The following CECR2 variants were observed in gnomAD, a reference collection of about 807,000 sequenced individuals.
CECR2 encodes the protein chromatin remodeling regulator CECR2.
In CECR2, 30 loss-of-function variants were observed where a neutral mutation model predicts 154.5. That is an observed-to-expected ratio of 0.19 (90% CI 0.15 to 0.26). The LOEUF (loss-of-function observed/expected upper bound fraction) is 0.26, where lower values mean the gene tolerates loss of function less well. Among genes scored for constraint, CECR2 ranks in the 10% least tolerant of loss-of-function variants. The pLI, the probability that CECR2 is intolerant of heterozygous loss-of-function variation, is 1.00. For synonymous variants in CECR2, 725 were observed against 683.7 expected (o/e 1.06, Z -0.94); for missense variants, 1,743 against 1,829.3 (o/e 0.95, Z 0.86).
chr22:17,366,620 G>A (rs1014854648), upstream of CECR2, among the ~76,000 whole-genome samples: 39 of 152,236 alleles, frequency 2.6e-4, 1 homozygote, highest in African/African-American at 8.9e-4. Flanking sequence ...TATTGGTAGG[G>A]GGTCATTAAT....
At chr22:17,507,351 T>C (rs925890356) in intron 7 of CECR2, among the ~76,000 whole-genome samples, 11 of 152,220 alleles carry the variant, frequency 7.2e-5, no homozygotes, top group Non-Finnish European at 1.5e-4. Flanking sequence ...CATTCTGTTT[T>C]TGTGATCAGC....
intron 1 of CECR2, among the ~76,000 whole-genome samples, chr22:17,389,871 G>A (rs968283642): frequency 2.6e-5 from 4 of 151,916 alleles, no homozygotes; most frequent in African/African-American, 4.8e-5. Context: ...CAGATGATCC[G>A]CCCACCTCGG....
rs370696488 is a variant in CECR2 at position 17,548,295 on chromosome 22, C to G, written c.3008C>G (p.Pro1003Arg). The stretch of plus-strand genomic sequence containing the variant: ...CCACAAGAAAGGGAAACAGTGGGCC[C>G]GGAGCTCAAAAGCAGCTCCTCCGAA... ...SSPQERETVGPELKSSSSESA... is the reference protein window; with the variant it reads ...SSPQERETVGRELKSSSSESA... Residue 1003 changes from proline to arginine, a missense_variant, in exon 17 of 19, where the codon CCG (proline) becomes CGG (arginine). By Grantham distance (103) the Pro-to-Arg change is moderately radical. Transcript: ENST00000262608. The G allele has an allele frequency of 6.2e-7, 1 of 1,608,806 alleles. No individual in the cohort carries two copies. The highest frequency in any genetic ancestry group is 1.3e-5 in the African/African-American group (1 of 74,696).
At chr22:17,455,730 C>T (rs534929508) in intron 1 of CECR2, among the ~76,000 whole-genome samples, 12 of 152,318 alleles carry the variant, frequency 7.9e-5, no homozygotes, top group Admixed American at 4.6e-4. Flanking sequence ...TCTCCTGCCT[C>T]GCTTTCCCCT....
intron 7 of CECR2, among the ~76,000 whole-genome samples, chr22:17,508,815 G>C (rs560434454): frequency 6.6e-6 from 1 of 152,158 alleles, no homozygotes; most frequent in Non-Finnish European, 1.5e-5. Context: ...ACATGACTGC[G>C]TGTCAGATTG....
At chr22:17,386,666 T>C (rs973444270) in intron 1 of CECR2, among the ~76,000 whole-genome samples, 1 of 152,098 alleles carries the variant, frequency 6.6e-6, no homozygotes, top group African/African-American at 2.4e-5. Flanking sequence ...TTTTTTTTTT[T>C]TTTTGAGACG....
chr22:17,428,826 G>GTGTGTGTGTGTGTGTATATATATA (rs369291932), intron 1 of CECR2, among the ~76,000 whole-genome samples: 1 of 150,594 alleles, frequency 6.6e-6, no homozygotes, highest in African/African-American at 2.5e-5. Flanking sequence ...GTGTGTGTGT[G>GTGTGTGTGTGTGTGTATATATATA]TATATAAAGG....
chr22:17,456,484 T>C (rs563643344), intron 1 of CECR2, among the ~76,000 whole-genome samples: 3 of 152,338 alleles, frequency 2.0e-5, no homozygotes, highest in Non-Finnish European at 4.4e-5. Context: ...TGAAACAATT[T>C]ACATTTTTAT....
intron 1 of CECR2, among the ~76,000 whole-genome samples, chr22:17,449,517 T>G (rs1317521987): frequency 8.7e-6 from 1 of 115,082 alleles, no homozygotes; most frequent in Non-Finnish European, 1.6e-5. Flanking sequence ...TGAGACAGAG[T>G]CTTGCTCTGT....
At chr22:17,433,448 C>T (rs1408616203) in intron 1 of CECR2, among the ~76,000 whole-genome samples, 1 of 152,026 alleles carries the variant, frequency 6.6e-6, no homozygotes, top group Non-Finnish European at 1.5e-5. Flanking sequence ...TTTTTGTCTT[C>T]CTTATTGTTG....
chr22:17,523,159 G>A (rs2056188237), intron 8 of CECR2, among the ~76,000 whole-genome samples: 1 of 152,082 alleles, frequency 6.6e-6, no homozygotes, highest in Admixed American at 6.6e-5. Context: ...TCAGCACTTT[G>A]GGAGGCTGAG....
Position 17,548,446 on chromosome 22 carries a change from C to G in CECR2, c.3159C>G (p.Ser1053=). The change falls in exon 17 of 19, where the codon TCC becomes TCG. Residue 1053 remains serine, a synonymous_variant. Transcript: ENST00000262608. ...CGGTGGCAGACAGGGGCGCTCTATC[C>G]GAGAACGGAGTCATTGGGGAAGCAT... ...LSTVADRGAL[S]ENGVIGEASP... is the part of the protein sequence containing the mutation. 6.2e-7 allele frequency: 1 copy of G among 1,613,994 alleles called. No individual in the cohort carries two copies. The highest frequency in any genetic ancestry group is 8.5e-7 in the Non-Finnish European group (1 of 1,179,896).
chr22:17,476,511 C>T (rs1212842418), intron 1 of CECR2, among the ~76,000 whole-genome samples: 1 of 152,078 alleles, frequency 6.6e-6, no homozygotes, highest in Non-Finnish European at 1.5e-5. Context: ...AGCCACCATG[C>T]CTGGCCAGAG....
At chr22:17,478,378 C>A (rs1018407381) in intron 2 of CECR2, among the ~76,000 whole-genome samples, 1 of 119,198 alleles carries the variant, frequency 8.4e-6, no homozygotes. Context: ...TTTTTTGAGA[C>A]GGAGTCTCAC....
intron 1 of CECR2, among the ~76,000 whole-genome samples, chr22:17,378,134 C>G: frequency 6.6e-6 from 1 of 151,438 alleles, no homozygotes; most frequent in Non-Finnish European, 1.5e-5. Flanking sequence ...CAGGTGCCCA[C>G]CACCACGCCC....
intron 1 of CECR2, among the ~76,000 whole-genome samples, chr22:17,397,239 C>T (rs1319092433): frequency 6.6e-6 from 1 of 151,970 alleles, no homozygotes; most frequent in Non-Finnish European, 1.5e-5. Context: ...CAGGTTCAAG[C>T]GATGATTCTC....
intron 1 of CECR2, among the ~76,000 whole-genome samples, chr22:17,414,165 GA>G (rs2054115392): frequency 1.3e-5 from 2 of 150,948 alleles, no homozygotes; most frequent in African/African-American, 2.4e-5. Context: ...GTAGAGATGG[GA>G]TTTCACTGTG....
Position 17,537,301 on chromosome 22 carries a change from C to A in CECR2, c.1238+69C>A, listed in dbSNP as rs2056452085. 8.3e-6 allele frequency: 13 copies of A among 1,563,494 alleles called. No individual in the cohort carries two copies. The South Asian group carries it at 1.2e-4, about 15-fold the overall frequency. On this transcript the variant is annotated intron_variant, in intron 10 of 18. Transcript: ENST00000262608. ...CATTTATGAAGCATTCAGGCACTTG[C>A]CCCATGTCATCCTTAGAACAGCCCT...
chr22:17,486,873 G>A (rs1242264230), intron 2 of CECR2, among the ~76,000 whole-genome samples: 8 of 152,084 alleles, frequency 5.3e-5, no homozygotes, highest in Non-Finnish European at 1.2e-4. Context: ...CCTAAGGGTG[G>A]TTACAACACA....
Sources: allele counts gnomAD v4.1 joint callset (sites outside exome capture counted in the v4.1 genomes callset), GRCh38; gene constraint gnomAD v4.1.1; transcripts MANE v1.5; gene names NCBI Gene and HGNC (gene_info 2026-07-23, HGNC 2026-07-21).